FAT3: variants seen among roughly 807,000 people sequenced by gnomAD.
FAT3 encodes the protein protocadherin Fat 3.
A neutral mutation model predicts 310.2 loss-of-function variants in FAT3; 95 were observed. That is an observed-to-expected ratio of 0.31 (90% CI 0.26 to 0.36). The LOEUF is 0.36. Among genes scored for constraint, FAT3 ranks in the 10% least tolerant of loss-of-function variants. The probability of loss-of-function intolerance (pLI) is 1.00; values close to 1 mark genes in which losing one functional copy is unlikely to be tolerated. For missense variants in FAT3, 5,408 were observed against 5,715.6 expected (o/e 0.95, Z 1.74); for synonymous variants, 2,314 against 2,192.9 (o/e 1.06, Z -1.54).
chr11:92,805,247 T>A lies in FAT3; in HGVS notation c.8991T>A (p.Ile2997=), dbSNP rs1208841195. ...CTCTAGACAGAGAAGAACAGGACAT[T>A]TACTTTCTCAATATCACTGCCACTG... ...KRPLDREEQD[I]YFLNITATDG... The change falls in exon 11 of 28, where the codon ATT becomes ATA. Residue 2997 remains isoleucine, a synonymous_variant. Transcript: ENST00000525166. 1 of 1,613,850 alleles carries A rather than the reference T, an allele frequency of 6.2e-7. No individual in the cohort carries two copies. Among genetic ancestry groups the A allele is most frequent in the Non-Finnish European group, 8.5e-7 (1 of 1,179,842 alleles).
chr11:92,287,637 G>A (rs1946591749), intron 1 of FAT3, among the ~76,000 whole-genome samples: 1 of 152,090 alleles, frequency 6.6e-6, no homozygotes, highest in Non-Finnish European at 1.5e-5. Flanking sequence ...CTCCTAATTG[G>A]TCAGGATCTC....
chr11:92,380,072 C>CGTGTGT (rs34789717), intron 2 of FAT3, among the ~76,000 whole-genome samples: 18,240 of 145,126 alleles, frequency 0.13, 1,331 homozygotes, highest in East Asian at 0.23. Context: ...CAAACTGATT[C>CGTGTGT]GTGTGTGTGT....
chr11:92,460,709 A>T (rs1459197638), intron 2 of FAT3, among the ~76,000 whole-genome samples: 1 of 152,226 alleles, frequency 6.6e-6, no homozygotes, highest in East Asian at 1.9e-4. Context: ...AGTGACTTTC[A>T]TACCCTGCAG....
intron 3 of FAT3, among the ~76,000 whole-genome samples, chr11:92,649,056 G>C (rs1942274013): frequency 6.6e-6 from 1 of 152,138 alleles, no homozygotes; most frequent in African/African-American, 2.4e-5. Context: ...TGCCCAGTGA[G>C]GCATAAATGG....
intron 1 of FAT3, among the ~76,000 whole-genome samples, chr11:92,322,408 A>G (rs1319728754): frequency 2.0e-5 from 3 of 152,216 alleles, no homozygotes; most frequent in African/African-American, 7.2e-5. Context: ...GCTGCTGCTG[A>G]CTAATCAGAG....
intron 3 of FAT3, among the ~76,000 whole-genome samples, chr11:92,570,496 T>G (rs1188524005): frequency 6.6e-6 from 1 of 152,158 alleles, no homozygotes; most frequent in Non-Finnish European, 1.5e-5. Context: ...AACAGTGGAA[T>G]GGGCCCTTGT....
chr11:92,424,545 C>CCCTTGCAA (rs1475337283), intron 2 of FAT3, among the ~76,000 whole-genome samples: 1 of 152,068 alleles, frequency 6.6e-6, no homozygotes, highest in Non-Finnish European at 1.5e-5. Flanking sequence ...TGGGAAGCTG[C>CCCTTGCAA]AAGGACTGAC....
At chr11:92,784,111 G>A (rs916553028) in intron 7 of FAT3, among the ~76,000 whole-genome samples, 4 of 152,144 alleles carry the variant, frequency 2.6e-5, no homozygotes, top group Non-Finnish European at 5.9e-5. Flanking sequence ...TAATACCTGG[G>A]GTTGAGTCTG....
chr11:92,543,738 G>T (rs911097801), intron 3 of FAT3, among the ~76,000 whole-genome samples: 1 of 152,162 alleles, frequency 6.6e-6, no homozygotes, highest in African/African-American at 2.4e-5. Context: ...GACCTTTAAT[G>T]AGTTGATGAT....
rs148924628 is a variant in FAT3 at position 92,598,215 on chromosome 11, C to CATATATATAT, written c.3607+73274_3607+73283dup. Reference sequence around the variant, plus strand: ...TCATGTATATAAATATATATGTATACATATATATATATATATTTTTTTTTT... The same window carrying CATATATATAT: ...TCATGTATATAAATATATATGTATACATATATATATATATATATATATATATTTTTTTTTT... On this transcript the variant is annotated intron_variant, in intron 3 of 27. Transcript: ENST00000525166. Among the ~76,000 whole-genome samples, 21 of 136,440 alleles carry CATATATATAT rather than the reference C, an allele frequency of 1.5e-4. 1 individual carries two copies. The East Asian group carries it at 3.6e-3, about 23-fold the overall frequency. The allele number at this position is 136,440 out of a possible 152,430, so 89.5% of individuals were successfully genotyped here.
rs1022698810 is a variant in FAT3, at chr11:92,894,905, C to T, written c.*3792C>T. 2.0e-5 allele frequency: 3 copies of T among 152,190 alleles called. No homozygotes were observed. Among genetic ancestry groups the T allele is most frequent in the Admixed American group, 1.3e-4 (2 of 15,280 alleles). The allele number at this position is 152,190 out of a possible 1,614,324, so 9.4% of individuals were successfully genotyped here. ...AAAAAAGCAAGTTGAACATATCTAC[C>T]ATCAGTCCTCTCCTACTTACTTCCC... is the stretch of plus-strand genomic sequence containing the variant. On this transcript the variant is annotated 3_prime_UTR_variant, in exon 28 of 28. Coordinates refer to ENST00000525166, the MANE Select transcript of FAT3 (RefSeq NM_001367949.2).
At chr11:92,626,728 C>T (rs1280356646) in intron 3 of FAT3, among the ~76,000 whole-genome samples, 1 of 152,094 alleles carries the variant, frequency 6.6e-6, no homozygotes, top group Non-Finnish European at 1.5e-5. Flanking sequence ...TCTCCCTAAA[C>T]CAACAAAGAG....
intron 2 of FAT3, among the ~76,000 whole-genome samples, chr11:92,435,521 T>TCC (rs1173531643): frequency 6.8e-5 from 10 of 146,734 alleles, no homozygotes; most frequent in Admixed American, 2.7e-4. Context: ...CTTCCTTCCT[T>TCC]TCTCTTTCTT....
In FAT3 at chr11:92,424,826, G is replaced by A. The variant is rs115504262; in HGVS notation, c.3292+69422G>A. On this transcript the variant is annotated intron_variant, in intron 2 of 27. Transcript: ENST00000525166. Reference sequence around the variant, plus strand: ...TAGAAACTATAACTTGGAAAACACTGAAGACATATGAAGGAGAATAAATTG... The same window carrying A: ...TAGAAACTATAACTTGGAAAACACTAAAGACATATGAAGGAGAATAAATTG... Among the ~76,000 whole-genome samples, 267 of 152,184 alleles carry A rather than the reference G, an allele frequency of 1.8e-3. 2 individuals are homozygous for A. The highest frequency in any genetic ancestry group is 6.3e-3 in the African/African-American group (260 of 41,508).
At chr11:92,292,434 A>G (rs937944912) in intron 1 of FAT3, among the ~76,000 whole-genome samples, 1 of 152,012 alleles carries the variant, frequency 6.6e-6, no homozygotes, top group African/African-American at 2.4e-5. Flanking sequence ...ATGGGAAGTG[A>G]GGTGAGACAG....
chr11:92,599,637 A>C (rs1305141066), intron 3 of FAT3, among the ~76,000 whole-genome samples: 1 of 152,222 alleles, frequency 6.6e-6, no homozygotes, highest in Non-Finnish European at 1.5e-5. Context: ...TGTTGTTTGT[A>C]ACATGAATTA....
rs376837097 is a variant in FAT3, at chr11:92,866,811, G to T, written c.11729G>T (p.Arg3910Leu). Residue 3910 changes from arginine (R) to leucine (L), a missense_variant, in exon 22 of 28, where the codon CGT (arginine) becomes CTT (leucine). This residue lies in a region of FAT3 where 4,588 missense variants were observed against 4,809.8 expected (regional missense o/e 0.95). Coordinates refer to ENST00000525166, the MANE Select transcript of FAT3 (RefSeq NM_001367949.2). ...SGPGILGISG[R>L]AVNDGSWHSV... ...CCTGGAATCTTGGGCATCTCGGGCC[G>T]TGCTGTCAACGACGGGAGCTGGCAC... The T allele has an allele frequency of 2.5e-6, 4 of 1,613,814 alleles. No homozygotes were observed. Among genetic ancestry groups the T allele is most frequent in the Non-Finnish European group, 3.4e-6 (4 of 1,179,894 alleles).
chr11:92,343,814 A>C (rs948408), intron 1 of FAT3, among the ~76,000 whole-genome samples: 2,443 of 152,266 alleles, frequency 0.016, 76 homozygotes, highest in African/African-American at 0.056. Context: ...ATGGTGTAGG[A>C]GGAAGGAGAA....
intron 13 of FAT3, among the ~76,000 whole-genome samples, chr11:92,825,554 G>A (rs1434917067): frequency 1.3e-5 from 2 of 152,120 alleles, no homozygotes; most frequent in Admixed American, 6.5e-5. Context: ...TGCAGACCAG[G>A]GAAGGAGATG....
Sources: allele counts gnomAD v4.1 joint callset (sites outside exome capture counted in the v4.1 genomes callset), GRCh38; gene constraint gnomAD v4.1.1; regional missense constraint gnomAD v4.1.1; transcripts MANE v1.5; gene names NCBI Gene and HGNC (gene_info 2026-07-23, HGNC 2026-07-21).